The following RBM19 variants were observed in gnomAD, a reference collection of about 807,000 sequenced individuals.
RBM19 encodes the protein probable RNA-binding protein 19.
RBM19 carries 94 observed loss-of-function variants against 116.8 expected under a neutral mutation model. The observed-to-expected ratio is 0.80, with a 90% CI of 0.68 to 0.95. The LOEUF is 0.95. RBM19 is among the 40% of genes least tolerant of loss of function. The probability of loss-of-function intolerance (pLI) is 0.00; values close to 1 mark genes in which losing one functional copy is unlikely to be tolerated. For synonymous variants in RBM19, 475 were observed against 494.1 expected, an observed-to-expected ratio of 0.96 and a Z score of 0.51; for missense variants, 1,161 against 1,220.7, an observed-to-expected ratio of 0.95 and a Z score of 0.73.
At chr12:113,937,263 G>T in intron 15 of RBM19, 127 bp from the exon 16 acceptor site, 1 of 1,165,544 alleles carries the variant, frequency 8.6e-7, no homozygotes, top group Non-Finnish European at 1.2e-6. Context: ...GAATGGAGCC[G>T]GAAGGAGCCC....
At position 113,958,928 on chromosome 12, in the gene RBM19, T is replaced by C. The variant is rs529434615; in HGVS notation, c.571+284A>G. Among the ~76,000 whole-genome samples, 10 of 152,376 alleles carry C rather than the reference T, an allele frequency of 6.6e-5. No homozygotes were observed. The South Asian group carries it at 8.3e-4, about 13-fold the overall frequency. ...CTCCACAACCATAATCACAGCTCCA[T>C]AGGGGAATAAACCCTTCTGTCTTTT... On this transcript the variant is annotated intron_variant, in intron 5 of 23. Transcript: ENST00000261741.
chr12:113,851,901 A>T (rs1485944845), intron 22 of RBM19, among the ~76,000 whole-genome samples: 1 of 152,088 alleles, frequency 6.6e-6, no homozygotes, highest in African/African-American at 2.4e-5. Context: ...AAATACAAAA[A>T]TTAGCCGGGT....
At chr12:113,860,136 G>A (rs902143477) in intron 21 of RBM19, among the ~76,000 whole-genome samples, 2 of 152,322 alleles carry the variant, frequency 1.3e-5, no homozygotes, top group Non-Finnish European at 2.9e-5. Context: ...AACGAGAAAC[G>A]GCAGAGAGGC....
intron 7 of RBM19, among the ~76,000 whole-genome samples, chr12:113,954,670 G>C (rs1019732641): frequency 1.3e-5 from 2 of 152,208 alleles, no homozygotes; most frequent in Non-Finnish European, 2.9e-5. Context: ...TTCTTCTGCT[G>C]TTACAGACCC....
At chr12:113,939,219 T>C (rs1478904069) in intron 15 of RBM19, among the ~76,000 whole-genome samples, 1 of 151,936 alleles carries the variant, frequency 6.6e-6, no homozygotes, top group Middle Eastern at 3.2e-3. Context: ...GGTGGGAGGA[T>C]TGCTTGAGCC....
At chr12:113,827,242 AAAC>A (rs1360364543) in intron 23 of RBM19, among the ~76,000 whole-genome samples, 6 of 152,218 alleles carry the variant, frequency 3.9e-5, no homozygotes, top group Non-Finnish European at 8.8e-5. Context: ...ACCCGAAGAT[AAAC>A]AACAAGTGAA....
chr12:113,897,261 T>C (rs974330221), intron 21 of RBM19, among the ~76,000 whole-genome samples: 1 of 152,214 alleles, frequency 6.6e-6, no homozygotes, highest in African/African-American at 2.4e-5. Context: ...CTTTGCTTCC[T>C]GGGTTCAAGC....
At chr12:113,827,169 G>A (rs114723489) in intron 23 of RBM19, among the ~76,000 whole-genome samples, 2,708 of 152,246 alleles carry the variant, frequency 0.018, 89 homozygotes, top group African/African-American at 0.062. Flanking sequence ...ATGCAGAACC[G>A]GAGAAAGGTG....
intron 21 of RBM19, among the ~76,000 whole-genome samples, chr12:113,886,000 C>A (rs1173192001): frequency 6.6e-6 from 1 of 151,614 alleles, no homozygotes; most frequent in Non-Finnish European, 1.5e-5. Flanking sequence ...TCCCAAGTAG[C>A]TGGGACTACA....
rs146552202 is a variant in RBM19, at chr12:113,854,479, A to G, written c.2664+4312T>C. On this transcript the variant is annotated intron_variant, in intron 22 of 23. Coordinates refer to ENST00000261741, the MANE Select transcript of RBM19 (RefSeq NM_016196.4). ...CACCCCCATTCTCCTTCCCCCATCA[A>G]CCTCTGTCCCCTGCTTCCCTCCACA... is the stretch of plus-strand genomic sequence containing the variant. Among the ~76,000 whole-genome samples, 22 of 151,516 alleles carry G rather than the reference A, an allele frequency of 1.5e-4. No individual in the cohort carries two copies. The East Asian group carries it at 3.9e-3, about 27-fold the overall frequency.
chr12:113,871,740 T>G (rs929745225), intron 21 of RBM19, among the ~76,000 whole-genome samples: 9 of 152,232 alleles, frequency 5.9e-5, no homozygotes, highest in Admixed American at 3.3e-4. Context: ...ATCTGACCAG[T>G]GTCCCCAGAC....
Position 113,948,918 on chromosome 12 carries a change from G to GTCC in RBM19, c.1188_1190dup (p.Glu396dup). The GTCC allele has an allele frequency of 1.2e-6, 2 of 1,614,176 alleles. No homozygotes were observed. The highest frequency in any genetic ancestry group is 1.7e-6 in the Non-Finnish European group (2 of 1,180,044). ...CAAAGAGCCTTCCGGATTCGGCCAG[G>GTCC]TCCTCCTCCTCTTCGTTCTCCCCGA... On this transcript the variant is annotated inframe_insertion, in exon 10 of 24. Transcript: ENST00000261741.
downstream of RBM19, among the ~76,000 whole-genome samples, chr12:113,819,960 G>C (rs146156021): frequency 6.6e-6 from 1 of 150,396 alleles, no homozygotes; most frequent in Non-Finnish European, 1.5e-5. Flanking sequence ...TTTTGACAGG[G>C]TAAAAGGCTC....
intron 21 of RBM19, among the ~76,000 whole-genome samples, chr12:113,878,605 GAAGA>G (rs1256478951): frequency 1.4e-5 from 2 of 147,142 alleles, no homozygotes; most frequent in African/African-American, 2.5e-5. Context: ...ATGGGGCCCA[GAAGA>G]AAGAGGTACA....
At chr12:113,938,477 ATCTATC>A (rs1344577742) in intron 15 of RBM19, among the ~76,000 whole-genome samples, 3 of 151,858 alleles carry the variant, frequency 2.0e-5, no homozygotes, top group Admixed American at 6.6e-5. Flanking sequence ...GGACATGAAT[ATCTATC>A]TCTAAGAATT....
intron 21 of RBM19, among the ~76,000 whole-genome samples, chr12:113,861,022 G>A (rs1223389541): frequency 1.3e-5 from 2 of 152,250 alleles, no homozygotes; most frequent in Admixed American, 6.5e-5. Context: ...GTGAACTATT[G>A]TTAGCCTTAT....
At chr12:113,838,360 G>A (rs371315743) in intron 23 of RBM19, among the ~76,000 whole-genome samples, 13 of 152,258 alleles carry the variant, frequency 8.5e-5, no homozygotes, top group African/African-American at 3.1e-4. Context: ...CATGGGGAGA[G>A]CATGCAAACT....
At chr12:113,836,990 TACATAC>T (rs1259296841) in intron 23 of RBM19, among the ~76,000 whole-genome samples, 1 of 73,116 alleles carries the variant, frequency 1.4e-5, no homozygotes, top group Non-Finnish European at 2.3e-5. Context: ...TCCTACTTAC[TACATAC>T]ACACACACAC....
Position 113,948,940 on chromosome 12 carries a change from C to G in RBM19, c.1169G>C (p.Gly390Ala), listed in dbSNP as rs768089264. 1 of 1,614,222 alleles carries G rather than the reference C, an allele frequency of 6.2e-7. No homozygotes were observed. ...TTKSWQGRIL[G>A]ENEEEEDLAE... is the part of the protein sequence containing the mutation. ...CAGGTCCTCCTCCTCTTCGTTCTCC[C>G]CGAGTATCCGGCCTTGCCAGGATTT... is the stretch of plus-strand genomic sequence containing the variant. The change falls in exon 10 of 24, where the codon GGG (glycine) becomes GCG (alanine). Residue 390 changes from glycine to alanine, a missense_variant. Transcript: ENST00000261741.
Sources: gnomAD v4.1 joint callset for allele counts (sites outside exome capture counted in the v4.1 genomes callset) on GRCh38, gnomAD v4.1.1 for gene constraint, MANE v1.5 for transcripts, NCBI Gene and HGNC (gene_info 2026-07-23, HGNC 2026-07-21) for gene names.